The following CCDC66 variants were observed in gnomAD, a reference collection of about 807,000 sequenced individuals.
The protein encoded by CCDC66 is coiled-coil domain-containing protein 66.
Under a neutral mutation model 128.3 loss-of-function variants are expected in CCDC66, and 133 were observed. The observed-to-expected ratio is 1.04, with a 90% CI of 0.90 to 1.20. CCDC66 has a LOEUF of 1.20. Ranked by LOEUF, CCDC66 falls within the 50% of genes most tolerant of loss-of-function variation. CCDC66 has a pLI of 0.00. For synonymous variants in CCDC66, 387 were observed against 357.0 expected (o/e 1.08, Z -0.95); for missense variants, 1,126 against 1,075.5 (o/e 1.05, Z -0.66).
At chr3:56,584,768 C>T (rs573323099) in intron 7 of CCDC66, among the ~76,000 whole-genome samples, 4 of 151,982 alleles carry the variant, frequency 2.6e-5, no homozygotes, top group South Asian at 2.1e-4. Context: ...TGTAGCTAGC[C>T]GAGATCACTC....
intron 10 of CCDC66, among the ~76,000 whole-genome samples, chr3:56,607,266 A>G (rs1317689811): frequency 6.6e-6 from 1 of 152,162 alleles, no homozygotes; most frequent in Non-Finnish European, 1.5e-5. Flanking sequence ...GATTCTACCC[A>G]TCCATGAGCA....
rs528220747 is a variant in CCDC66, at chr3:56,584,171, C to T, written c.937-8799C>T. 8.5e-3 allele frequency among the ~76,000 whole-genome samples: 1,258 copies of T among 148,206 alleles called. 38 individuals carry two copies. The highest frequency in any genetic ancestry group is 0.03 in the African/African-American group (1,193 of 40,252). ...CGGGCGGGGGCGGCCCCCCACCTCCCGGGCGGGGCGGCTGCCGGGCGGAGA... is the reference window on the plus strand; with the variant it reads ...CGGGCGGGGGCGGCCCCCCACCTCCTGGGCGGGGCGGCTGCCGGGCGGAGA... On this transcript the variant is annotated intron_variant, in intron 7 of 17. Coordinates refer to ENST00000394672, the MANE Select transcript of CCDC66 (RefSeq NM_001141947.3).
chr3:56,617,836 T>C (rs2075712431), intron 14 of CCDC66: 1 of 583,954 alleles, frequency 1.7e-6, no homozygotes, highest in Non-Finnish European at 3.0e-6. Flanking sequence ...CACACCAGAC[T>C]AGCAACAGAA....
chr3:56,589,622 G>A lies in CCDC66; in HGVS notation c.937-3348G>A, dbSNP rs559041312. ...AAAGTGGCTAGACACAAGAATTAAT[G>A]TACCAGTGTCATTAGCACAACATTG... is the stretch of plus-strand genomic sequence containing the variant. On this transcript the variant is annotated intron_variant, in intron 7 of 17. Transcript: ENST00000394672. Among the ~76,000 whole-genome samples, 7 of 152,246 alleles carry A rather than the reference G, an allele frequency of 4.6e-5. No individual in the cohort carries two copies. The East Asian group carries it at 1.2e-3, about 25-fold the overall frequency.
chr3:56,571,959 G>A (rs1036014880), intron 7 of CCDC66, among the ~76,000 whole-genome samples: 4 of 152,134 alleles, frequency 2.6e-5, no homozygotes, highest in East Asian at 3.9e-4. Flanking sequence ...GACCTCAAGC[G>A]ATCCTCCCAC....
chr3:56,620,062 T>G, intron 17 of CCDC66, 161 bp downstream of exon 17: 1 of 677,346 alleles, frequency 1.5e-6, no homozygotes, highest in Non-Finnish European at 2.3e-6. Context: ...AAAATGGGAC[T>G]TTCCTAAGAC....
intron 7 of CCDC66, among the ~76,000 whole-genome samples, chr3:56,579,799 T>C (rs1374308451): frequency 6.6e-6 from 1 of 151,914 alleles, no homozygotes; most frequent in Non-Finnish European, 1.5e-5. Context: ...TCTGTTCTTT[T>C]ACATTTGCTG....
intron 4 of CCDC66, 132 bp from the exon 5 acceptor site, chr3:56,566,462 G>T: frequency 1.1e-5 from 6 of 554,628 alleles, no homozygotes; most frequent in Non-Finnish European, 1.8e-5. Context: ...AAACTTAATG[G>T]CTACCTCAAG....
intron 7 of CCDC66, among the ~76,000 whole-genome samples, chr3:56,588,807 A>G (rs2070312907): frequency 6.6e-6 from 1 of 152,224 alleles, no homozygotes; most frequent in African/African-American, 2.4e-5. Context: ...AGAAATTCAC[A>G]TTAGAAAATA....
At position 56,582,849 on chromosome 3, in the gene CCDC66, T is replaced by TTTTTTA. The variant is rs762028314; in HGVS notation, c.937-10119_937-10118insTTTATT. ...TCCCTTTTTTGACTTCTCAACTTTCTTTATTATTATTATTATTATTATTAT... is the reference window on the plus strand; with the variant it reads ...TCCCTTTTTTGACTTCTCAACTTTCTTTTTTATTATTATTATTATTATTATTATTAT... On this transcript the variant is annotated intron_variant, in intron 7 of 17. Transcript: ENST00000394672. 6.5e-3 allele frequency among the ~76,000 whole-genome samples: 870 copies of TTTTTTA among 134,872 alleles called. 7 individuals are homozygous for TTTTTTA. The highest frequency in any genetic ancestry group is 0.021 in the African/African-American group (780 of 37,276). The allele number at this position is 134,872 out of a possible 152,430, so 88.5% of individuals were successfully genotyped here.
Position 56,615,987 on chromosome 3 carries a change from A to AT in CCDC66, c.1778dup (p.Ser594GlnfsTer3), listed in dbSNP as rs1265826809. 1.9e-6 allele frequency: 3 copies of AT among 1,596,664 alleles called. No homozygotes were observed. Among genetic ancestry groups the AT allele is most frequent in the Non-Finnish European group, 2.6e-6 (3 of 1,171,042 alleles). On this transcript the variant is annotated frameshift_variant, in exon 13 of 18. Coordinates refer to ENST00000394672, the MANE Select transcript of CCDC66 (RefSeq NM_001141947.3). LOFTEE classifies it high-confidence loss of function. ...AAATTCAAGACATGATTCTGATGAAATCAGTGGTAAAATGAATACATATAT... is the reference window on the plus strand; with the variant it reads ...AAATTCAAGACATGATTCTGATGAAATTCAGTGGTAAAATGAATACATATAT...
At position 56,615,992 on chromosome 3, in the gene CCDC66, TGG is replaced by T. The variant is rs1346740678; in HGVS notation, c.1783_1784del (p.Gly595Ter). Reference protein sequence around the residue: ...NSRHDSDEISGKMNTYMNSTT... With the variant: ...NSRHDSDEISXKMNTYMNSTT... Reference sequence around the variant, plus strand: ...CAAGACATGATTCTGATGAAATCAGTGGTAAAATGAATACATATATGAATTCT... The same window carrying T: ...CAAGACATGATTCTGATGAAATCAGTTAAAATGAATACATATATGAATTCT... On this transcript the variant is annotated frameshift_variant, in exon 13 of 18. Coordinates refer to ENST00000394672, the MANE Select transcript of CCDC66 (RefSeq NM_001141947.3). LOFTEE classifies it high-confidence loss of function. 1.9e-6 allele frequency: 3 copies of T among 1,594,876 alleles called. No homozygotes were observed. Among genetic ancestry groups the T allele is most frequent in the Non-Finnish European group, 2.6e-6 (3 of 1,170,496 alleles).
At chr3:56,561,080 TATATA>T (rs1268609997) in intron 3 of CCDC66, 2 of 423,390 alleles carry the variant, frequency 4.7e-6, no homozygotes, top group African/African-American at 2.0e-5. Context: ...ATCATATAGT[TATATA>T]CCATGTATGC....
intron 14 of CCDC66, 79 bp from the exon 15 acceptor site, chr3:56,618,093 C>A: frequency 9.1e-7 from 1 of 1,098,636 alleles, no homozygotes; most frequent in Non-Finnish European, 1.4e-6. Context: ...ACTATTTCAA[C>A]AAGTAGCCCT....
chr3:56,584,077 C>G (rs1331262989), intron 7 of CCDC66, among the ~76,000 whole-genome samples: 14 of 140,684 alleles, frequency 1.0e-4, no homozygotes, highest in Admixed American at 7.0e-5. Flanking sequence ...CCCCCCACCT[C>G]CCTCCCGGAC....
chr3:56,617,556 C>T lies in CCDC66; in HGVS notation c.2288C>T (p.Ser763Leu), dbSNP rs146917359. Residue 763 changes from serine (S) to leucine (L), a missense_variant, in exon 14 of 18, where the codon TCA (serine) becomes TTA (leucine). Physicochemically the swap from Ser to Leu is moderately radical, Grantham distance 145. Coordinates refer to ENST00000394672, the MANE Select transcript of CCDC66 (RefSeq NM_001141947.3). ...NRGISPEIFHSSHQETESKLR... is the reference protein window; with the variant it reads ...NRGISPEIFHLSHQETESKLR... ...GGCATTTCACCAGAAATTTTTCATTCATCTCATCAAGAAACGGAGTCAAAG... is the reference window on the plus strand; with the variant it reads ...GGCATTTCACCAGAAATTTTTCATTTATCTCATCAAGAAACGGAGTCAAAG... The T allele has an allele frequency of 1.2e-6, 2 of 1,609,798 alleles. No individual in the cohort carries two copies. The highest frequency in any genetic ancestry group is 2.7e-5 in the African/African-American group (2 of 74,568).
intron 3 of CCDC66, among the ~76,000 whole-genome samples, chr3:56,562,315 G>A (rs187460009): frequency 1.7e-4 from 26 of 152,214 alleles, no homozygotes; most frequent in Admixed American, 1.6e-3. Context: ...CTCCCAGAGT[G>A]CTAGGATTAT....
At chr3:56,615,390 G>A in intron 12 of CCDC66, 118 bp downstream of exon 12, 1 of 960,898 alleles carries the variant, frequency 1.0e-6, no homozygotes, top group Non-Finnish European at 1.5e-6. Context: ...GAGTGCAGTG[G>A]TGCCATCACA....
intron 10 of CCDC66, 89 bp from the exon 11 acceptor site, chr3:56,613,500 G>A (rs2075118286): frequency 2.8e-6 from 4 of 1,453,932 alleles, no homozygotes; most frequent in Admixed American, 2.3e-5. Flanking sequence ...GAAGAGGTGA[G>A]CACTGAATGT....
Sources: allele counts gnomAD v4.1 joint callset (sites outside exome capture counted in the v4.1 genomes callset), GRCh38; gene constraint gnomAD v4.1.1; transcripts MANE v1.5; gene names NCBI Gene and HGNC (gene_info 2026-07-23, HGNC 2026-07-21).